ADK: variants seen among roughly 807,000 people sequenced by gnomAD.
The protein encoded by ADK is adenosine kinase, also known as N6,N6-dimethyladenosine kinase.
In ADK, 24 loss-of-function variants were observed where a neutral mutation model predicts 44.7. The ratio of observed to expected loss-of-function variants is 0.54; its 90% CI spans 0.39 to 0.76. The LOEUF (loss-of-function observed/expected upper bound fraction) is 0.76, where lower values mean the gene tolerates loss of function less well. ADK is among the 30% of genes least tolerant of loss of function. The pLI, the probability that ADK is intolerant of heterozygous loss-of-function variation, is 0.00. For synonymous variants in ADK, 128 were observed against 142.6 expected (o/e 0.90, Z 0.73); for missense variants, 321 against 425.1 (o/e 0.76, Z 2.15).
chr10:74,573,328 A>G (rs1851042631), intron 7 of ADK, among the ~76,000 whole-genome samples: 1 of 152,166 alleles, frequency 6.6e-6, no homozygotes, highest in East Asian at 1.9e-4. Flanking sequence ...GATTTTCGTG[A>G]ACCACAAATG....
chr10:74,586,886 T>A, intron 7 of ADK, among the ~76,000 whole-genome samples: 1 of 151,166 alleles, frequency 6.6e-6, no homozygotes, highest in Admixed American at 6.6e-5. Flanking sequence ...TGTATATATA[T>A]ACACACACAC....
intron 7 of ADK, among the ~76,000 whole-genome samples, chr10:74,564,403 GC>G (rs2133827647): frequency 6.6e-6 from 1 of 152,142 alleles, no homozygotes; most frequent in South Asian, 2.1e-4. Flanking sequence ...CTCTTTGATA[GC>G]CCACAATTCC....
chr10:74,355,542 A>G (rs899290882), intron 4 of ADK, among the ~76,000 whole-genome samples: 5 of 152,214 alleles, frequency 3.3e-5, no homozygotes, highest in African/African-American at 1.2e-4. Context: ...AATGCTTAGT[A>G]TCTGCTAGAA....
At position 74,699,324 on chromosome 10, in the gene ADK, G is replaced by T. The variant is rs1419448683; in HGVS notation, c.965-8997G>T. On this transcript the variant is annotated intron_variant, in intron 10 of 10. Transcript: ENST00000539909. ...TATTAATAGCATATTGTTATTGTTG[G>T]TTTTTTTTTTCGAAAAACACTTTAT... Among the ~76,000 whole-genome samples, 7 of 146,752 alleles carry T rather than the reference G, an allele frequency of 4.8e-5. No individual in the cohort carries two copies. The South Asian group carries it at 1.1e-3, about 23-fold the overall frequency.
intron 4 of ADK, among the ~76,000 whole-genome samples, chr10:74,348,994 G>C (rs1285014974): frequency 6.6e-6 from 1 of 152,074 alleles, no homozygotes; most frequent in Non-Finnish European, 1.5e-5. Flanking sequence ...CACACTTCAG[G>C]ATATTATCCA....
intron 9 of ADK, among the ~76,000 whole-genome samples, chr10:74,634,267 TGCAGTGGCGC>T (rs1368017761): frequency 5.3e-5 from 8 of 151,886 alleles, no homozygotes; most frequent in Admixed American, 4.6e-4. Flanking sequence ...TGCAGTGGAG[TGCAGTGGCGC>T]GATCTCGGCT....
At chr10:74,267,754 T>TTGTGTGTGTGTGTGTGTGTGTGTGTG in intron 3 of ADK, among the ~76,000 whole-genome samples, 1 of 132,732 alleles carries the variant, frequency 7.5e-6, no homozygotes. Context: ...ATATCCTTAT[T>TTGTGTGTGTGTGTGTGTGTGTGTGTG]TGTGTGTGTG....
At chr10:74,273,175 G>A (rs4331029) in intron 3 of ADK, among the ~76,000 whole-genome samples, 92,684 of 143,082 alleles carry the variant, frequency 0.65, 30,459 homozygotes, top group Middle Eastern at 0.8. Context: ...AGGACAGCCA[G>A]AAAAAAAAAA....
At chr10:74,386,510 T>TCATATGAAGGCATATGAAG (rs1158114681) in intron 4 of ADK, among the ~76,000 whole-genome samples, 1 of 152,226 alleles carries the variant, frequency 6.6e-6, no homozygotes, top group Non-Finnish European at 1.5e-5. Flanking sequence ...TGTTATGAAG[T>TCATATGAAGGCATATGAAG]TTAATATGCC....
At chr10:74,351,266 A>G (rs952406603) in intron 4 of ADK, among the ~76,000 whole-genome samples, 1 of 152,248 alleles carries the variant, frequency 6.6e-6, no homozygotes, top group African/African-American at 2.4e-5. Flanking sequence ...CTGGTTCAAC[A>G]TACGCAAATC....
rs147900331 is a variant in ADK at position 74,325,691 on chromosome 10, G to A, written c.273+10946G>A. ...TTTGTTGATAATTTCTAACATGAAA[G>A]AATGTTGAATTTTGTCAAATGCATT... On this transcript the variant is annotated intron_variant, in intron 4 of 10. Transcript: ENST00000539909. Among the ~76,000 whole-genome samples, 4 of 152,242 alleles carry A rather than the reference G, an allele frequency of 2.6e-5. No individual in the cohort carries two copies. In the East Asian group the frequency reaches 7.7e-4, roughly 29 times the overall value.
intron 10 of ADK, among the ~76,000 whole-genome samples, chr10:74,707,937 G>A (rs748790789): frequency 2.0e-5 from 3 of 151,788 alleles, no homozygotes; most frequent in Non-Finnish European, 4.4e-5. Flanking sequence ...CAGATCACGA[G>A]GTCAGGAGTT....
intron 3 of ADK, among the ~76,000 whole-genome samples, chr10:74,241,818 T>G (rs1845220372): frequency 6.6e-6 from 1 of 152,262 alleles, no homozygotes; most frequent in South Asian, 2.1e-4. Context: ...TCCTCCTGCC[T>G]GAGCCTCTTG....
chr10:74,642,857 A>G (rs1009213750), intron 9 of ADK, among the ~76,000 whole-genome samples: 2 of 134,082 alleles, frequency 1.5e-5, no homozygotes, highest in African/African-American at 5.7e-5. Context: ...TTTTTAAGAC[A>G]GGGTCTCACT....
intron 3 of ADK, among the ~76,000 whole-genome samples, chr10:74,251,725 T>C (rs1276063122): frequency 6.6e-6 from 1 of 152,092 alleles, no homozygotes; most frequent in Non-Finnish European, 1.5e-5. Context: ...GCCTGTCTTG[T>C]AGAACATAAG....
intron 10 of ADK, among the ~76,000 whole-genome samples, chr10:74,683,664 A>G (rs942191576): frequency 1.3e-5 from 2 of 152,236 alleles, no homozygotes; most frequent in African/African-American, 4.8e-5. Flanking sequence ...CTAGACGCAC[A>G]TGGGAATTAG....
rs548266060 is a variant in ADK at position 74,424,911 on chromosome 10, C to A, written c.555+26332C>A. ...TAAACTCATTTCATTCTCATATATACAATCCTCTTGTTTATTTAAATATAT... is the reference window on the plus strand; with the variant it reads ...TAAACTCATTTCATTCTCATATATAAAATCCTCTTGTTTATTTAAATATAT... On this transcript the variant is annotated intron_variant, in intron 6 of 10. Transcript: ENST00000539909. 3.9e-4 allele frequency among the ~76,000 whole-genome samples: 60 copies of A among 152,220 alleles called. 1 individual carries two copies. Among genetic ancestry groups the A allele is most frequent in the Non-Finnish European group, 3.8e-4 (26 of 68,022 alleles).
intron 1 of ADK, among the ~76,000 whole-genome samples, chr10:74,179,069 G>A (rs1318596782): frequency 1.3e-5 from 2 of 152,150 alleles, no homozygotes; most frequent in African/African-American, 2.4e-5. Context: ...ATCCTGCAAC[G>A]AACTTGATAA....
At chr10:74,635,925 A>G (rs1853608173) in intron 9 of ADK, among the ~76,000 whole-genome samples, 1 of 151,552 alleles carries the variant, frequency 6.6e-6, no homozygotes, top group Admixed American at 6.6e-5. Context: ...CTCTACCAAA[A>G]AAAAAAAAAA....
Sources: gnomAD v4.1 joint callset for allele counts (sites outside exome capture counted in the v4.1 genomes callset) on GRCh38, gnomAD v4.1.1 for gene constraint, MANE v1.5 for transcripts, NCBI Gene and HGNC (gene_info 2026-07-23, HGNC 2026-07-21) for gene names.